The following CNTNAP5 variants were observed in gnomAD, a reference collection of about 807,000 sequenced individuals.
CNTNAP5 encodes the protein contactin-associated protein-like 5.
In CNTNAP5, 72 loss-of-function variants were observed where a neutral mutation model predicts 150.2. The ratio of observed to expected loss-of-function variants is 0.48; its 90% CI spans 0.40 to 0.58. The LOEUF (loss-of-function observed/expected upper bound fraction) is 0.58. Among genes scored for constraint, CNTNAP5 ranks in the 20% least tolerant of loss-of-function variants. CNTNAP5 has a pLI of 0.00. For missense variants in CNTNAP5, 1,636 were observed against 1,626.2 expected (o/e 1.01, Z -0.10); for synonymous variants, 672 against 619.8 (o/e 1.08, Z -1.25).
At chr2:124,910,966 C>T (rs1028950124) in intron 22 of CNTNAP5, among the ~76,000 whole-genome samples, 1 of 151,956 alleles carries the variant, frequency 6.6e-6, no homozygotes, top group Non-Finnish European at 1.5e-5. Context: ...AAACTTGATG[C>T]TTTTTCTTAT....
At chr2:124,356,756 A>G (rs919640706) in intron 3 of CNTNAP5, among the ~76,000 whole-genome samples, 9 of 151,898 alleles carry the variant, frequency 5.9e-5, no homozygotes, top group South Asian at 2.1e-4. Flanking sequence ...GAATAATGCC[A>G]CAATAAACAT....
rs1684717696 is a variant in CNTNAP5, at chr2:124,162,836, CA to C, written c.83-58868del. On this transcript the variant is annotated intron_variant, in intron 1 of 23. Coordinates refer to ENST00000682447, the MANE Select transcript of CNTNAP5 (RefSeq NM_001367498.1). ...GCACATCATAGAATGTATTTCAAGG[CA>C]TGTTTTTTATGCATGCCACCATGAT... 2.7e-5 allele frequency among the ~76,000 whole-genome samples: 4 copies of C among 149,538 alleles called. No homozygotes were observed. The South Asian group carries it at 8.8e-4, about 33-fold the overall frequency.
At chr2:124,423,866 G>T (rs866782994) in intron 4 of CNTNAP5, among the ~76,000 whole-genome samples, 29 of 131,936 alleles carry the variant, frequency 2.2e-4, no homozygotes, top group East Asian at 4.7e-4. Context: ...GGGTTTCACC[G>T]TGTTAGCCAG....
chr2:124,513,477 A>G (rs929004420), intron 8 of CNTNAP5, among the ~76,000 whole-genome samples: 7 of 152,166 alleles, frequency 4.6e-5, no homozygotes, highest in African/African-American at 1.7e-4. Flanking sequence ...TGCCCTTCTC[A>G]TCACTAGAAT....
intron 3 of CNTNAP5, among the ~76,000 whole-genome samples, chr2:124,336,653 C>A (rs1689479727): frequency 1.3e-5 from 2 of 151,200 alleles, no homozygotes; most frequent in African/African-American, 4.9e-5. Flanking sequence ...CGATAGTTTG[C>A]TGAGAATGAT....
chr2:124,445,706 A>G (rs1315661280), intron 5 of CNTNAP5, among the ~76,000 whole-genome samples: 2 of 152,190 alleles, frequency 1.3e-5, no homozygotes, highest in Non-Finnish European at 2.9e-5. Context: ...ACGGTTGAAC[A>G]GGCTGCTGCA....
intron 3 of CNTNAP5, among the ~76,000 whole-genome samples, chr2:124,402,818 T>C (rs1293662517): frequency 6.6e-6 from 1 of 152,232 alleles, no homozygotes; most frequent in Non-Finnish European, 1.5e-5. Flanking sequence ...TGTTTAACTC[T>C]CATTTTTGTC....
chr2:124,590,640 G>C (rs1696658340), intron 11 of CNTNAP5, among the ~76,000 whole-genome samples: 1 of 152,124 alleles, frequency 6.6e-6, no homozygotes, highest in Non-Finnish European at 1.5e-5. Flanking sequence ...TGATCCTATT[G>C]ATGTCCGTAG....
chr2:124,607,205 C>T (rs958477261), intron 11 of CNTNAP5, among the ~76,000 whole-genome samples: 3 of 152,112 alleles, frequency 2.0e-5, no homozygotes, highest in Non-Finnish European at 2.9e-5. Context: ...GGACCGTAAG[C>T]AACTTAGCTA....
intron 3 of CNTNAP5, among the ~76,000 whole-genome samples, chr2:124,369,532 C>A (rs1039855400): frequency 1.3e-5 from 2 of 152,076 alleles, no homozygotes; most frequent in African/African-American, 4.8e-5. Flanking sequence ...GAAGTTCCTG[C>A]GGTGATTCTA....
At chr2:124,176,862 T>TTTTTTTTTTTTG (rs1685078604) in intron 1 of CNTNAP5, among the ~76,000 whole-genome samples, 1 of 121,954 alleles carries the variant, frequency 8.2e-6, no homozygotes. Context: ...TTTTTTTTTT[T>TTTTTTTTTTTTG]ACATGGCGTT....
At chr2:124,194,165 C>G (rs527776210) in intron 1 of CNTNAP5, among the ~76,000 whole-genome samples, 3 of 151,676 alleles carry the variant, frequency 2.0e-5, no homozygotes, top group African/African-American at 7.3e-5. Flanking sequence ...CACCTCTCAA[C>G]CCCTCCCCCA....
chr2:124,689,061 T>G (rs1679249900), intron 13 of CNTNAP5, among the ~76,000 whole-genome samples: 1 of 152,124 alleles, frequency 6.6e-6, no homozygotes, highest in Non-Finnish European at 1.5e-5. Flanking sequence ...ACCCCTGCCA[T>G]TCTCCTGCTT....
At chr2:124,745,549 G>A (rs150748956) in intron 13 of CNTNAP5, among the ~76,000 whole-genome samples, 1 of 152,130 alleles carries the variant, frequency 6.6e-6, no homozygotes, top group African/African-American at 2.4e-5. Context: ...TGGCTCACCC[G>A]AGCAGGGATT....
intron 11 of CNTNAP5, among the ~76,000 whole-genome samples, chr2:124,573,688 C>T (rs1573468658): frequency 6.6e-6 from 1 of 152,144 alleles, no homozygotes; most frequent in African/African-American, 2.4e-5. Flanking sequence ...TAGTATGTCC[C>T]ATGAGTAAGA....
chr2:124,503,774 T>G (rs1474938474), intron 7 of CNTNAP5, among the ~76,000 whole-genome samples: 1 of 152,210 alleles, frequency 6.6e-6, no homozygotes, highest in Admixed American at 6.5e-5. Context: ...GATGCTGTTT[T>G]GCTAATTTCT....
chr2:124,394,771 C>T (rs1691204846), intron 3 of CNTNAP5, among the ~76,000 whole-genome samples: 1 of 152,132 alleles, frequency 6.6e-6, no homozygotes, highest in African/African-American at 2.4e-5. Context: ...GACAATATTG[C>T]AGCCCATCTG....
intron 17 of CNTNAP5, among the ~76,000 whole-genome samples, chr2:124,780,201 G>A (rs1027451098): frequency 6.6e-6 from 1 of 152,110 alleles, no homozygotes; most frequent in Non-Finnish European, 1.5e-5. Flanking sequence ...GGATGTCCCT[G>A]TTCCACTTGG....
At chr2:124,510,625 GATT>G (rs961221213) in intron 8 of CNTNAP5, among the ~76,000 whole-genome samples, 2 of 151,072 alleles carry the variant, frequency 1.3e-5, no homozygotes, top group Non-Finnish European at 2.9e-5. Flanking sequence ...TCCTTAAAAG[GATT>G]ATCATCTAAG....
Sources: gnomAD v4.1 joint callset for allele counts (sites outside exome capture counted in the v4.1 genomes callset) on GRCh38, gnomAD v4.1.1 for gene constraint, MANE v1.5 for transcripts, NCBI Gene and HGNC (gene_info 2026-07-23, HGNC 2026-07-21) for gene names.